The following SDK2 variants were observed in gnomAD, a reference collection of about 807,000 sequenced individuals.
The protein encoded by SDK2 is sidekick cell adhesion molecule 2, also known as protein sidekick-2.
Under a neutral mutation model 253.9 loss-of-function variants are expected in SDK2, and 105 were observed. The ratio of observed to expected loss-of-function variants is 0.41; its 90% CI spans 0.35 to 0.49. The LOEUF is 0.49. Ranked by LOEUF, SDK2 falls within the 20% of genes least tolerant of loss-of-function variation. The pLI, the probability that SDK2 is intolerant of heterozygous loss-of-function variation, is 0.06. For missense variants in SDK2, 2,608 were observed against 3,003.0 expected, an observed-to-expected ratio of 0.87 and a Z score of 3.07; for synonymous variants, 1,249 against 1,234.9, an observed-to-expected ratio of 1.01 and a Z score of -0.24.
At chr17:73,584,483 A>G (rs2045578101) in intron 1 of SDK2, among the ~76,000 whole-genome samples, 3 of 152,214 alleles carry the variant, frequency 2.0e-5, no homozygotes, top group Non-Finnish European at 1.5e-5. Flanking sequence ...GGAAACAGTC[A>G]GCTCCGAGGG....
At chr17:73,348,000 AC>A (rs1259890586) in intron 44 of SDK2, among the ~76,000 whole-genome samples, 1 of 152,144 alleles carries the variant, frequency 6.6e-6, no homozygotes, top group Non-Finnish European at 1.5e-5. Context: ...TGCCTGTTCC[AC>A]AGATGGGGAA....
At chr17:73,596,127 C>T (rs1008482584) in intron 1 of SDK2, among the ~76,000 whole-genome samples, 6 of 152,192 alleles carry the variant, frequency 3.9e-5, no homozygotes, top group Non-Finnish European at 8.8e-5. Flanking sequence ...GGAGTCCCAG[C>T]TGCAGGTGGT....
At chr17:73,510,929 G>A (rs573727603) in intron 1 of SDK2, among the ~76,000 whole-genome samples, 1 of 152,322 alleles carries the variant, frequency 6.6e-6, no homozygotes, top group Admixed American at 6.5e-5. Flanking sequence ...ACTTGGAGGT[G>A]TGACTACCAC....
chr17:73,460,552 G>T (rs2063556712), intron 3 of SDK2, among the ~76,000 whole-genome samples: 1 of 152,142 alleles, frequency 6.6e-6, no homozygotes, highest in African/African-American at 2.4e-5. Flanking sequence ...TCTAATATTT[G>T]TAGTGTTAAA....
At chr17:73,610,643 T>C (rs1362108205) in intron 1 of SDK2, among the ~76,000 whole-genome samples, 1 of 152,168 alleles carries the variant, frequency 6.6e-6, no homozygotes, top group African/African-American at 2.4e-5. Context: ...TGTTTATGTG[T>C]GCAACTGGTG....
At chr17:73,476,154 CA>C (rs926419934) in intron 2 of SDK2, among the ~76,000 whole-genome samples, 1 of 151,336 alleles carries the variant, frequency 6.6e-6, no homozygotes. Flanking sequence ...TGCAAACAAA[CA>C]AAAAAAAGGT....
chr17:73,536,498 G>T (rs1420175503), intron 1 of SDK2, among the ~76,000 whole-genome samples: 1 of 152,178 alleles, frequency 6.6e-6, no homozygotes. Flanking sequence ...GGCCACCTGG[G>T]CACCTCCCAC....
At chr17:73,518,935 G>A (rs910669103) in intron 1 of SDK2, 8 of 152,274 alleles carry the variant, frequency 5.3e-5, no homozygotes, top group Admixed American at 5.2e-4. Flanking sequence ...GGCTTCATGA[G>A]ACTCAGCTCT....
intron 44 of SDK2, among the ~76,000 whole-genome samples, chr17:73,340,292 A>G (rs1240212775): frequency 6.6e-6 from 1 of 152,176 alleles, no homozygotes; most frequent in African/African-American, 2.4e-5. Flanking sequence ...CCAGCCCTGA[A>G]TCATTTCCAT....
chr17:73,606,563 T>G (rs1459651265), intron 1 of SDK2, among the ~76,000 whole-genome samples: 1 of 152,148 alleles, frequency 6.6e-6, no homozygotes, highest in Non-Finnish European at 1.5e-5. Flanking sequence ...GTTTCACCGT[T>G]TCTACTCCAC....
intron 1 of SDK2, among the ~76,000 whole-genome samples, chr17:73,551,462 G>C (rs2045057630): frequency 6.6e-6 from 1 of 152,228 alleles, no homozygotes; most frequent in Non-Finnish European, 1.5e-5. Context: ...AATGGGGAGG[G>C]GGCGGAGCGG....
intron 2 of SDK2, among the ~76,000 whole-genome samples, chr17:73,498,747 G>A (rs764509299): frequency 1.5e-4 from 23 of 152,194 alleles, no homozygotes; most frequent in Admixed American, 1.3e-4. Flanking sequence ...CCTGGCATGA[G>A]GTAGGTGATC....
chr17:73,399,027 A>T, intron 22 of SDK2, 141 bp downstream of exon 22: 1 of 784,448 alleles, frequency 1.3e-6, no homozygotes, highest in Non-Finnish European at 2.1e-6. Flanking sequence ...AACATTGGCA[A>T]GTGTGAGCAT....
chr17:73,449,201 GC>G (rs2063474583), intron 4 of SDK2, among the ~76,000 whole-genome samples: 1 of 152,144 alleles, frequency 6.6e-6, no homozygotes, highest in South Asian at 2.1e-4. Flanking sequence ...AGCCAGAAGC[GC>G]CACCCACACC....
At chr17:73,432,821 TG>T (rs1414532020) in intron 10 of SDK2, among the ~76,000 whole-genome samples, 1 of 152,024 alleles carries the variant, frequency 6.6e-6, no homozygotes, top group Non-Finnish European at 1.5e-5. Context: ...CACATGTGTA[TG>T]TACGTGTGCA....
Position 73,644,261 on chromosome 17 carries a change from T to C in SDK2, c.-173A>G, listed in dbSNP as rs2046435949. ...GGGCAGCGCTTGGCTACCCCAACCC[T>C]TCCTCCTCTTCTGTACTAGTCCGAG... On this transcript the variant is annotated 5_prime_UTR_variant, in exon 1 of 45. Transcript: ENST00000392650. This position sits in a 1 kb window ranked among gnomAD's most constrained non-coding sequence, Gnocchi z 6.3. Among the ~76,000 whole-genome samples the C allele has an allele frequency of 6.6e-6, 1 of 152,086 alleles. No homozygotes were observed. Among genetic ancestry groups the C allele is most frequent in the African/African-American group, 2.4e-5 (1 of 41,436 alleles).
chr17:73,637,447 C>T (rs1011684736), intron 1 of SDK2, among the ~76,000 whole-genome samples: 1 of 152,170 alleles, frequency 6.6e-6, no homozygotes, highest in Non-Finnish European at 1.5e-5. Flanking sequence ...AGCGTGTTCT[C>T]GGCTCACTGC....
At chr17:73,592,535 C>T (rs767009985) in intron 1 of SDK2, among the ~76,000 whole-genome samples, 1 of 152,216 alleles carries the variant, frequency 6.6e-6, no homozygotes, top group Non-Finnish European at 1.5e-5. Context: ...AGCCATCTGT[C>T]CCCACCACCT....
rs1342475470 is a variant in SDK2 at position 73,431,048 on chromosome 17, C to A, written c.1481-435G>T. Among the ~76,000 whole-genome samples the A allele has an allele frequency of 1.3e-5, 2 of 152,168 alleles. No homozygotes were observed. Among genetic ancestry groups the A allele is most frequent in the African/African-American group, 4.8e-5 (2 of 41,448 alleles). On this transcript the variant is annotated intron_variant, in intron 11 of 44. Coordinates refer to ENST00000392650, the MANE Select transcript of SDK2 (RefSeq NM_001144952.2). The surrounding 1 kb of genome is among the most constrained non-coding windows in gnomAD (Gnocchi z 5.6). ...CTGGGGGCCAAATCCGGCAGGTGGC[C>A]TTTTTGGCTAAATAAACCCTTACTG...
Sources: gnomAD v4.1 joint callset for allele counts (sites outside exome capture counted in the v4.1 genomes callset) on GRCh38, gnomAD v4.1.1 for gene constraint, Gnocchi (gnomAD v3.1) non-coding constraint, MANE v1.5 for transcripts, NCBI Gene and HGNC (gene_info 2026-07-23, HGNC 2026-07-21) for gene names.